Variants in ZCCHC10 observed in about 807,000 individuals in gnomAD.
The protein encoded by ZCCHC10 is zinc finger CCHC domain-containing protein 10.
A neutral mutation model predicts 19.5 loss-of-function variants in ZCCHC10; 16 were observed. That is an observed-to-expected ratio of 0.82 (90% CI 0.56 to 1.25). The LOEUF is 1.25. Ranked by LOEUF, ZCCHC10 falls within the 50% of genes most tolerant of loss-of-function variation. The probability of loss-of-function intolerance (pLI) is 0.00; values close to 1 mark genes in which losing one functional copy is unlikely to be tolerated. For synonymous variants in ZCCHC10, 67 were observed against 72.5 expected (o/e 0.92, Z 0.38); for missense variants, 197 against 201.0 (o/e 0.98, Z 0.12).
chr5:133,008,645 G>A (rs1763295642), intron 2 of ZCCHC10, among the ~76,000 whole-genome samples: 1 of 151,806 alleles, frequency 6.6e-6, no homozygotes, highest in Non-Finnish European at 1.5e-5. Context: ...TGGAAAGATT[G>A]CTTGAGGCCA....
intron 2 of ZCCHC10, among the ~76,000 whole-genome samples, chr5:133,012,158 A>C (rs1367149540): frequency 7.1e-6 from 1 of 140,316 alleles, no homozygotes; most frequent in East Asian, 2.1e-4. Context: ...AAAAAAAAGA[A>C]AGAAAGAAAG....
At chr5:133,009,820 C>A (rs1435774633) in intron 2 of ZCCHC10, among the ~76,000 whole-genome samples, 3 of 151,874 alleles carry the variant, frequency 2.0e-5, no homozygotes, top group Admixed American at 2.0e-4. Context: ...GAAACTTCAG[C>A]CAACTTCTAG....
At chr5:133,022,273 C>T (rs1324719592) in intron 2 of ZCCHC10, among the ~76,000 whole-genome samples, 2 of 151,876 alleles carry the variant, frequency 1.3e-5, no homozygotes, top group East Asian at 3.9e-4. Context: ...CTAAGACACA[C>T]ACACATTAGC....
chr5:133,024,730 C>G (rs540197574), intron 1 of ZCCHC10, among the ~76,000 whole-genome samples: 1 of 152,038 alleles, frequency 6.6e-6, no homozygotes, highest in Non-Finnish European at 1.5e-5. Context: ...GGTGAAACCC[C>G]GTCTCTACTA....
At chr5:133,001,896 T>C (rs1006705337) in intron 3 of ZCCHC10, among the ~76,000 whole-genome samples, 1 of 148,016 alleles carries the variant, frequency 6.8e-6, no homozygotes, top group African/African-American at 2.5e-5. Flanking sequence ...ATTTTGGGCA[T>C]AAAATAAGAG....
At chr5:133,016,052 T>C (rs890758497) in intron 2 of ZCCHC10, among the ~76,000 whole-genome samples, 3 of 152,214 alleles carry the variant, frequency 2.0e-5, no homozygotes, top group Admixed American at 1.3e-4. Flanking sequence ...GGATTATGTG[T>C]TCTTTTGACA....
rs960210878 is a variant in ZCCHC10, at chr5:133,000,131, C to T, written c.311+1G>A. The T allele has an allele frequency of 1.2e-6, 2 of 1,613,672 alleles. No individual in the cohort carries two copies. Among genetic ancestry groups the T allele is most frequent in the African/African-American group, 1.3e-5 (1 of 74,902 alleles). ...TAAAACACTGCTAAAACCACACATA[C>T]CTTTTTTTCTTGGCCTTTCTTTCTA... is the stretch of plus-strand genomic sequence containing the variant. On this transcript the variant is annotated splice_donor_variant, in intron 4 of 4. Coordinates refer to ENST00000509437, the MANE Select transcript of ZCCHC10 (RefSeq NM_001300816.3). LOFTEE classifies it high-confidence loss of function.
Position 132,998,380 on chromosome 5 carries a change from C to A in ZCCHC10, c.*203G>T. The A allele has an allele frequency of 2.0e-6, 1 of 487,972 alleles. No homozygotes were observed. The highest frequency in any genetic ancestry group is 3.6e-6 in the Non-Finnish European group (1 of 277,082). The allele number at this position is 487,972 out of a possible 1,614,324, so 30.2% of individuals were successfully genotyped here. A position where few individuals can be genotyped will look rare whatever the true frequency, so the allele number is the denominator to read the frequency against. ...AGATATATTTTAAAGATAAAAAAAA[C>A]AAGATTCACCCTTCAAATAAAAGTC... On this transcript the variant is annotated 3_prime_UTR_variant, in exon 5 of 5. Coordinates refer to ENST00000509437, the MANE Select transcript of ZCCHC10 (RefSeq NM_001300816.3).
Position 132,998,081 on chromosome 5 carries a change from AAGTC to A in ZCCHC10, c.*498_*501del, listed in dbSNP as rs1230382782. The A allele has an allele frequency of 1.9e-5, 3 of 154,296 alleles. No individual in the cohort carries two copies. The highest frequency in any genetic ancestry group is 1.9e-4 in the East Asian group (1 of 5,226). 9.6% of individuals were successfully genotyped at this position (154,296 alleles called of 1,614,324 possible). A position where few individuals can be genotyped will look rare whatever the true frequency, so the allele number is the denominator to read the frequency against. ...CCTTGAACATACCACTTAGGACAAA[AAGTC>A]AGATAACTTTCTGAACATAAATGTA... is the stretch of plus-strand genomic sequence containing the variant. On this transcript the variant is annotated 3_prime_UTR_variant, in exon 5 of 5. Transcript: ENST00000509437.
At chr5:133,007,598 CTT>C (rs1763208944) in intron 2 of ZCCHC10, among the ~76,000 whole-genome samples, 1 of 151,486 alleles carries the variant, frequency 6.6e-6, no homozygotes, top group East Asian at 1.9e-4. Context: ...GTCTCTCTCT[CTT>C]TTCTTGCTGC....
intron 1 of ZCCHC10, among the ~76,000 whole-genome samples, chr5:133,025,358 GC>G (rs1764605400): frequency 6.6e-6 from 1 of 151,776 alleles, no homozygotes; most frequent in Non-Finnish European, 1.5e-5. Flanking sequence ...CAAAAAACCA[GC>G]CGGGCATGGT....
chr5:133,015,086 T>TTG (rs1349967114), intron 2 of ZCCHC10, among the ~76,000 whole-genome samples: 2 of 150,718 alleles, frequency 1.3e-5, no homozygotes, highest in South Asian at 2.1e-4. Context: ...GGTTTTTTTT[T>TTG]TTTTTTTTTT....
chr5:133,006,783 T>C lies in ZCCHC10; in HGVS notation c.245A>G (p.Glu82Gly), dbSNP rs2126575426. 1 of 1,606,070 alleles carries C rather than the reference T, an allele frequency of 6.2e-7. No homozygotes were observed. Among genetic ancestry groups the C allele is most frequent in the South Asian group, 1.1e-5 (1 of 88,998 alleles). Residue 82 changes from glutamate to glycine, a missense_variant, in exon 3 of 5, where the codon GAA becomes GGA. Physicochemically the swap from Glu to Gly is moderately conservative, Grantham distance 98. Coordinates refer to ENST00000509437, the MANE Select transcript of ZCCHC10 (RefSeq NM_001300816.3). ...CCTTTGTTGCAATAATAATCTGTTT[T>C]CTTTTTCTTTTAAAGCTTTCTTTAG... is the stretch of plus-strand genomic sequence containing the variant. ...AELKKALKEK[E>G]NRLLLQQSIG...
chr5:133,001,381 A>C (rs1318742807), intron 3 of ZCCHC10, among the ~76,000 whole-genome samples: 1 of 150,254 alleles, frequency 6.7e-6, no homozygotes, highest in South Asian at 2.1e-4. Flanking sequence ...ACAGAGCAAG[A>C]CTCTGTCTCA....
In ZCCHC10 at chr5:133,010,431, T is replaced by C. The variant is rs141155830; in HGVS notation, c.108-3511A>G. The stretch of plus-strand genomic sequence containing the variant: ...ACAAGAGGCAAAACTGTGGATGTTA[T>C]ATAGGTACTCATATAACATGAGAGA... On this transcript the variant is annotated intron_variant, in intron 2 of 4. Transcript: ENST00000509437. 1.1e-4 allele frequency among the ~76,000 whole-genome samples: 17 copies of C among 152,194 alleles called. No homozygotes were observed. The East Asian group carries it at 3.3e-3, about 29-fold the overall frequency.
chr5:133,015,558 T>A (rs745505845), intron 2 of ZCCHC10, among the ~76,000 whole-genome samples: 1 of 152,098 alleles, frequency 6.6e-6, no homozygotes, highest in Non-Finnish European at 1.5e-5. Flanking sequence ...GTAGCTGCCA[T>A]GTCATGAAGT....
intron 2 of ZCCHC10, among the ~76,000 whole-genome samples, chr5:133,021,378 A>C (rs1333540777): frequency 1.3e-5 from 2 of 152,180 alleles, no homozygotes; most frequent in African/African-American, 4.8e-5. Flanking sequence ...TTAGGGACAA[A>C]TCTGACAAAA....
chr5:132,998,334 G>T lies in ZCCHC10; in HGVS notation c.*249C>A. On this transcript the variant is annotated 3_prime_UTR_variant, in exon 5 of 5. Coordinates refer to ENST00000509437, the MANE Select transcript of ZCCHC10 (RefSeq NM_001300816.3). ...GTTTCATCACACAAACAGATTTGCA[G>T]ATTTCAGCTTTAAGTTCTAGAGATA... is the stretch of plus-strand genomic sequence containing the variant. The T allele has an allele frequency of 2.8e-6, 1 of 359,146 alleles. No homozygotes were observed. The highest frequency in any genetic ancestry group is 5.1e-6 in the Non-Finnish European group (1 of 196,124). 22.2% of individuals were successfully genotyped at this position (359,146 alleles called of 1,614,324 possible). A position where few individuals can be genotyped will look rare whatever the true frequency, so the allele number is the denominator to read the frequency against.
intron 2 of ZCCHC10, chr5:133,019,264 T>C (rs865922894): frequency 6.8e-5 from 17 of 250,400 alleles, no homozygotes; most frequent in African/African-American, 3.3e-4. Flanking sequence ...ACATATTTTA[T>C]ATGTATGTTT....
Sources: allele counts gnomAD v4.1 joint callset (sites outside exome capture counted in the v4.1 genomes callset), GRCh38; gene constraint gnomAD v4.1.1; transcripts MANE v1.5; gene names NCBI Gene and HGNC (gene_info 2026-07-23, HGNC 2026-07-21).